Variants in CREM observed in about 807,000 individuals in gnomAD.
The protein encoded by CREM is cAMP-responsive element modulator.
CREM carries 13 observed loss-of-function variants against 37.3 expected under a neutral mutation model. The ratio of observed to expected loss-of-function variants is 0.35; its 90% CI spans 0.23 to 0.55. The LOEUF (loss-of-function observed/expected upper bound fraction) is 0.55, where lower values mean the gene tolerates loss of function less well. CREM is among the 20% of genes least tolerant of loss of function. The pLI is 0.88. For missense variants in CREM, 296 were observed against 362.3 expected (o/e 0.82, Z 1.49); for synonymous variants, 124 against 120.2 (o/e 1.03, Z -0.21).
intron 3 of CREM, among the ~76,000 whole-genome samples, chr10:35,168,953 C>G (rs997607663): frequency 1.3e-5 from 2 of 152,114 alleles, no homozygotes; most frequent in African/African-American, 4.8e-5. Flanking sequence ...TTCCATCGGT[C>G]TGTATCTTTG....
intron 3 of CREM, among the ~76,000 whole-genome samples, chr10:35,166,087 A>T (rs747931966): frequency 1.6e-4 from 25 of 152,104 alleles, no homozygotes; most frequent in Non-Finnish European, 2.9e-4. Flanking sequence ...GCTATACATA[A>T]AAAAAAGGAT....
At chr10:35,175,445 C>CAA (rs200497568) in intron 3 of CREM, 36 of 407,408 alleles carry the variant, frequency 8.8e-5, no homozygotes, top group Middle Eastern at 6.0e-4. Flanking sequence ...GACTCCGTCT[C>CAA]AAAAAAAAAA....
At chr10:35,183,706 A>G (rs960277117) in intron 5 of CREM, among the ~76,000 whole-genome samples, 1 of 152,220 alleles carries the variant, frequency 6.6e-6, no homozygotes, top group East Asian at 1.9e-4. Flanking sequence ...ATTTGGAACA[A>G]GAGTGGTTTT....
rs546619079 is a variant in CREM, at chr10:35,142,797, G to A, written c.44+4918G>A. On this transcript the variant is annotated intron_variant, in intron 2 of 7. Coordinates refer to ENST00000685392, the MANE Select transcript of CREM (RefSeq NM_183011.2). ...ACTTTTTTGTTTTCTATGTGGAGAC[G>A]GGGTCTCACTATGTTGCCCAGTCTG... 4.0e-5 allele frequency among the ~76,000 whole-genome samples: 6 copies of A among 150,412 alleles called. No individual in the cohort carries two copies. The East Asian group carries it at 7.8e-4, about 20-fold the overall frequency.
chr10:35,156,476 C>A (rs2092922726), intron 3 of CREM, among the ~76,000 whole-genome samples: 1 of 152,186 alleles, frequency 6.6e-6, no homozygotes, highest in African/African-American at 2.4e-5. Flanking sequence ...TCTCGAACTC[C>A]TGGCCTCAAG....
intron 7 of CREM, 77 bp downstream of exon 7, chr10:35,207,128 C>CA (rs1416515062): frequency 6.8e-7 from 1 of 1,475,892 alleles, no homozygotes; most frequent in African/African-American, 1.4e-5. Context: ...CGCAGTGGCT[C>CA]ACGCCTGTAA....
chr10:35,211,202 G>A (rs373327440), intron 7 of CREM, 52 bp from the exon 8 acceptor site: 1 of 1,591,546 alleles, frequency 6.3e-7, no homozygotes, highest in African/African-American at 1.3e-5. Flanking sequence ...GACCCACTGT[G>A]GATTGTGTTG....
intron 6 of CREM, among the ~76,000 whole-genome samples, chr10:35,190,825 C>A (rs1031399673): frequency 6.6e-5 from 10 of 152,014 alleles, no homozygotes; most frequent in South Asian, 2.1e-4. Flanking sequence ...CCATGTCCGA[C>A]TAATTTTTTT....
At position 35,211,623 on chromosome 10, in the gene CREM, C is replaced by G. The variant is rs766001489; in HGVS notation, c.*225C>G. 10 of 1,601,006 alleles carry G rather than the reference C, an allele frequency of 6.2e-6. No homozygotes were observed. The Admixed American group carries it at 7.0e-5, about 11-fold the overall frequency. On this transcript the variant is annotated 3_prime_UTR_variant, in exon 8 of 8. Transcript: ENST00000685392. Reference sequence around the variant, plus strand: ...GTTTGTCAATAGCATGCAAAAAATGCTTTGTTTGCCCTTTGCTTCTGCTTT... The same window carrying G: ...GTTTGTCAATAGCATGCAAAAAATGGTTTGTTTGCCCTTTGCTTCTGCTTT...
At chr10:35,200,842 T>C (rs1386656251) in intron 6 of CREM, among the ~76,000 whole-genome samples, 2 of 152,224 alleles carry the variant, frequency 1.3e-5, no homozygotes, top group African/African-American at 4.8e-5. Context: ...TTTTATTCAG[T>C]CTTTGTGCTC....
intron 6 of CREM, among the ~76,000 whole-genome samples, chr10:35,206,526 C>G (rs2095528205): frequency 6.6e-6 from 1 of 152,302 alleles, no homozygotes. Flanking sequence ...GTGAGAATTA[C>G]TGAACACTAC....
At chr10:35,172,776 A>G (rs1469426929) in intron 3 of CREM, among the ~76,000 whole-genome samples, 1 of 152,172 alleles carries the variant, frequency 6.6e-6, no homozygotes, top group African/African-American at 2.4e-5. Flanking sequence ...TTTGAGTGCC[A>G]AGATGAATTA....
chr10:35,176,666 C>T (rs937760041), intron 3 of CREM, among the ~76,000 whole-genome samples: 1 of 152,122 alleles, frequency 6.6e-6, no homozygotes, highest in African/African-American at 2.4e-5. Flanking sequence ...GTCTCGGCTT[C>T]CCAAAGTGCT....
At chr10:35,137,943 T>A (rs2090827316) in intron 2 of CREM, 64 bp downstream of exon 2, 1 of 1,256,734 alleles carries the variant, frequency 8.0e-7, no homozygotes, top group Non-Finnish European at 1.1e-6. Flanking sequence ...TCATGATGAA[T>A]AAATTGATAT....
intron 5 of CREM, among the ~76,000 whole-genome samples, chr10:35,187,067 A>T (rs1293638888): frequency 2.6e-4 from 19 of 72,434 alleles, no homozygotes; most frequent in South Asian, 7.3e-4. Flanking sequence ...ATATATAATT[A>T]ATATAATAAT....
chr10:35,146,271 A>C (rs1052017983), intron 2 of CREM, among the ~76,000 whole-genome samples: 1 of 152,228 alleles, frequency 6.6e-6, no homozygotes, highest in East Asian at 1.9e-4. Flanking sequence ...GGTTTCCAAA[A>C]TACTCCTGCT....
At chr10:35,159,157 T>G (rs1039652209) in intron 3 of CREM, among the ~76,000 whole-genome samples, 2 of 152,164 alleles carry the variant, frequency 1.3e-5, no homozygotes, top group African/African-American at 4.8e-5. Context: ...TATAGTTGTT[T>G]GGGTTGCTTT....
chr10:35,132,076 G>C (rs11010103), intron 1 of CREM, among the ~76,000 whole-genome samples: 46,737 of 151,536 alleles, frequency 0.31, 7,350 homozygotes, highest in South Asian at 0.35. Context: ...TGGCTCGCGC[G>C]TGTAATCCCA....
chr10:35,178,845 G>T, intron 3 of CREM, 44 bp from the exon 4 acceptor site: 1 of 1,505,070 alleles, frequency 6.6e-7, no homozygotes, highest in Non-Finnish European at 9.1e-7. Context: ...TGAGGGAAAA[G>T]AGCATATATT....
Sources: allele counts gnomAD v4.1 joint callset (sites outside exome capture counted in the v4.1 genomes callset), GRCh38; gene constraint gnomAD v4.1.1; transcripts MANE v1.5; gene names NCBI Gene and HGNC (gene_info 2026-07-23, HGNC 2026-07-21).